Variants in NDUFAF2 observed in about 807,000 individuals in gnomAD.
NDUFAF2 encodes NADH dehydrogenase [ubiquinone] 1 alpha subcomplex assembly factor 2.
Under a neutral mutation model 22.8 loss-of-function variants are expected in NDUFAF2, and 13 were observed. The observed-to-expected ratio is 0.57, with a 90% confidence interval of 0.37 to 0.91. NDUFAF2 has a LOEUF of 0.91. NDUFAF2 is among the 40% of genes least tolerant of loss of function. The pLI is 0.01. For missense variants in NDUFAF2, 162 were observed against 195.2 expected, an observed-to-expected ratio of 0.83 and a Z score of 1.01; for synonymous variants, 53 against 64.2, an observed-to-expected ratio of 0.83 and a Z score of 0.84.
At chr5:60,976,334 C>A (rs2650512) in intron 1 of NDUFAF2, among the ~76,000 whole-genome samples, 86,194 of 150,712 alleles carry the variant, frequency 0.57, 25,877 homozygotes, top group East Asian at 0.94. Flanking sequence ...TCTCTTAATG[C>A]GTAAGCTTAA....
chr5:60,977,836 CAAAAAA>C (rs373286895), intron 1 of NDUFAF2, among the ~76,000 whole-genome samples: 2 of 116,538 alleles, frequency 1.7e-5, no homozygotes, highest in Admixed American at 9.0e-5. Context: ...GACTCTGTCT[CAAAAAA>C]AAAAAAAAAA....
At chr5:61,139,344 A>G (rs1350880959) in intron 3 of NDUFAF2, among the ~76,000 whole-genome samples, 2 of 152,294 alleles carry the variant, frequency 1.3e-5, no homozygotes, top group South Asian at 2.1e-4. Flanking sequence ...CTAGCCTGGG[A>G]AGAGATCAGA....
Position 60,949,051 on chromosome 5 carries a change from G to T in NDUFAF2, c.127+3669G>T, listed in dbSNP as rs1750505893. Among the ~76,000 whole-genome samples the T allele has an allele frequency of 2.0e-5, 3 of 151,980 alleles. No homozygotes were observed. In the South Asian group the frequency reaches 6.3e-4, roughly 32 times the overall value. On this transcript the variant is annotated intron_variant, in intron 1 of 3. Coordinates refer to ENST00000296597, the MANE Select transcript of NDUFAF2 (RefSeq NM_174889.5). ...TGTTTGCTATTAGTTGGTTTTTTTA[G>T]ATTCTATTTTTAAAATACAGTAAAA...
intron 3 of NDUFAF2, among the ~76,000 whole-genome samples, chr5:61,135,801 T>C (rs1211371688): frequency 6.6e-6 from 1 of 151,814 alleles, no homozygotes; most frequent in Non-Finnish European, 1.5e-5. Flanking sequence ...GCTACAGAAT[T>C]AATGACCTTT....
intron 1 of NDUFAF2, among the ~76,000 whole-genome samples, chr5:60,961,518 A>C (rs1448040293): frequency 2.6e-4 from 39 of 149,934 alleles, no homozygotes; most frequent in Non-Finnish European, 8.9e-5. Context: ...TGGCGTGAAC[A>C]CGGGAGGCGG....
chr5:61,030,951 T>A (rs1000724209), intron 1 of NDUFAF2, among the ~76,000 whole-genome samples: 1 of 152,142 alleles, frequency 6.6e-6, no homozygotes, highest in African/African-American at 2.4e-5. Flanking sequence ...ATCCTTTGCC[T>A]TAGGTATCCC....
At chr5:61,007,840 GAC>G (rs1279027499) in intron 1 of NDUFAF2, among the ~76,000 whole-genome samples, 1 of 152,104 alleles carries the variant, frequency 6.6e-6, no homozygotes, top group Non-Finnish European at 1.5e-5. Context: ...CTGCTATAAA[GAC>G]ACATGCACAC....
chr5:61,038,088 A>AAG (rs138511749), intron 1 of NDUFAF2, among the ~76,000 whole-genome samples: 23,438 of 77,570 alleles, frequency 0.3, 3,634 homozygotes, highest in Admixed American at 0.35. Flanking sequence ...GAGGCGGGGG[A>AAG]AGAGAGAGAG....
intron 1 of NDUFAF2, among the ~76,000 whole-genome samples, chr5:60,991,560 G>A (rs993015883): frequency 2.6e-5 from 4 of 152,108 alleles, no homozygotes; most frequent in Non-Finnish European, 5.9e-5. Flanking sequence ...TGTGATATTT[G>A]TTTTTCTGTG....
chr5:60,992,412 T>A (rs1211859587), intron 1 of NDUFAF2, among the ~76,000 whole-genome samples: 1 of 152,222 alleles, frequency 6.6e-6, no homozygotes, highest in Non-Finnish European at 1.5e-5. Context: ...CTGTTTTCTT[T>A]TAGTATAATA....
chr5:60,948,646 A>G (rs1389790645), intron 1 of NDUFAF2, among the ~76,000 whole-genome samples: 1 of 149,730 alleles, frequency 6.7e-6, no homozygotes, highest in Non-Finnish European at 1.5e-5. Context: ...ATTTCTTTTT[A>G]ATGCTGAGTA....
intron 1 of NDUFAF2, 151 bp downstream of exon 1, chr5:60,945,533 C>G: frequency 1.7e-6 from 2 of 1,170,016 alleles, no homozygotes; most frequent in Non-Finnish European, 2.5e-6. Context: ...CCCCTGTCGA[C>G]CCCTTCACTC....
At chr5:61,070,074 A>G (rs569885062) in intron 1 of NDUFAF2, among the ~76,000 whole-genome samples, 1 of 152,140 alleles carries the variant, frequency 6.6e-6, no homozygotes, top group African/African-American at 2.4e-5. Context: ...GAGTCCACCA[A>G]TGTCAATTAT....
intron 2 of NDUFAF2, among the ~76,000 whole-genome samples, chr5:61,087,769 G>C (rs1182541551): frequency 6.6e-6 from 1 of 152,054 alleles, no homozygotes; most frequent in Non-Finnish European, 1.5e-5. Flanking sequence ...TGTCCAACAA[G>C]TGAGAGGATA....
chr5:61,069,003 G>A (rs1288409813), intron 1 of NDUFAF2, among the ~76,000 whole-genome samples: 3 of 151,772 alleles, frequency 2.0e-5, no homozygotes, highest in Non-Finnish European at 4.4e-5. Context: ...TGTACAAATT[G>A]TTTATTTAAA....
At chr5:61,045,095 A>AAATTTTATTAAAATTTAATAAAATAAAAT (rs1384691458) in intron 1 of NDUFAF2, among the ~76,000 whole-genome samples, 8 of 141,390 alleles carry the variant, frequency 5.7e-5, no homozygotes, top group South Asian at 4.4e-4. Context: ...AAATAAAATA[A>AAATTTTATTAAAATTTAATAAAATAAAAT]AGTTTTATTA....
At chr5:61,064,105 T>A (rs1182421475) in intron 1 of NDUFAF2, among the ~76,000 whole-genome samples, 2 of 152,054 alleles carry the variant, frequency 1.3e-5, no homozygotes, top group African/African-American at 4.8e-5. Flanking sequence ...TACTTACATA[T>A]GATAAAATAG....
intron 3 of NDUFAF2, among the ~76,000 whole-genome samples, chr5:61,143,464 T>G (rs1741086737): frequency 6.6e-6 from 1 of 152,176 alleles, no homozygotes; most frequent in Non-Finnish European, 1.5e-5. Context: ...TGGGTATATT[T>G]AGTAATTGAA....
chr5:60,984,466 G>A (rs1428439770), intron 1 of NDUFAF2, among the ~76,000 whole-genome samples: 1 of 152,088 alleles, frequency 6.6e-6, no homozygotes, highest in Non-Finnish European at 1.5e-5. Flanking sequence ...GGGCATCCCT[G>A]TCTTGTGCCA....
Sources: allele counts gnomAD v4.1 joint callset (sites outside exome capture counted in the v4.1 genomes callset), GRCh38; gene constraint gnomAD v4.1.1; transcripts MANE v1.5; gene names NCBI Gene and HGNC (gene_info 2026-07-23, HGNC 2026-07-21).